Variants in SEMA3A observed in about 807,000 individuals in gnomAD.
SEMA3A encodes semaphorin 3A.
In SEMA3A, 29 loss-of-function variants were observed where a neutral mutation model predicts 97.9. The ratio of observed to expected loss-of-function variants is 0.30; its 90% CI spans 0.22 to 0.40. The LOEUF (loss-of-function observed/expected upper bound fraction) is 0.40, where lower values mean the gene tolerates loss of function less well. SEMA3A is among the 10% of genes least tolerant of loss of function. The pLI is 1.00. For synonymous variants in SEMA3A, 321 were observed against 323.7 expected (o/e 0.99, Z 0.09); for missense variants, 763 against 951.3 (o/e 0.80, Z 2.60).
chr7:84,375,317 G>T (rs1437217825), intron 1 of SEMA3A, among the ~76,000 whole-genome samples: 1 of 152,080 alleles, frequency 6.6e-6, no homozygotes, highest in Non-Finnish European at 1.5e-5. Context: ...ACTGTGCCTG[G>T]CCAGAAAAAG....
chr7:84,217,724 G>C (rs1798782621), intron 3 of SEMA3A, among the ~76,000 whole-genome samples: 1 of 151,742 alleles, frequency 6.6e-6, no homozygotes, highest in Non-Finnish European at 1.5e-5. Context: ...TCCTGCCAGG[G>C]CACGCTAGCC....
chr7:84,367,944 C>T (rs969283679), intron 2 of SEMA3A, among the ~76,000 whole-genome samples: 2 of 151,098 alleles, frequency 1.3e-5, no homozygotes, highest in Admixed American at 1.3e-4. Context: ...TGGACACATT[C>T]AGTAAATACA....
chr7:84,209,361 A>G (rs1432701596), intron 3 of SEMA3A, among the ~76,000 whole-genome samples: 1 of 152,186 alleles, frequency 6.6e-6, no homozygotes, highest in East Asian at 1.9e-4. Flanking sequence ...GTTTAGGCCA[A>G]ATGCATAGAT....
chr7:84,297,537 G>A (rs1361209483), intron 3 of SEMA3A, among the ~76,000 whole-genome samples: 1 of 152,066 alleles, frequency 6.6e-6, no homozygotes, highest in African/African-American at 2.4e-5. Flanking sequence ...TAGTATAGAT[G>A]AAAATAAATT....
At chr7:84,112,943 A>G (rs1389455546) in intron 3 of SEMA3A, among the ~76,000 whole-genome samples, 1 of 152,178 alleles carries the variant, frequency 6.6e-6, no homozygotes, top group African/African-American at 2.4e-5. Flanking sequence ...TTACAAAGCA[A>G]CTAGACTCAC....
intron 3 of SEMA3A, among the ~76,000 whole-genome samples, chr7:84,267,304 A>C (rs1800030894): frequency 6.6e-6 from 1 of 152,158 alleles, no homozygotes. Context: ...ATATGTTTTC[A>C]TGACTCTCTT....
chr7:84,418,269 A>G (rs1804487552), intron 1 of SEMA3A, among the ~76,000 whole-genome samples: 2 of 152,150 alleles, frequency 1.3e-5, no homozygotes. Context: ...CAATGATGAC[A>G]GATGAATGAG....
intron 3 of SEMA3A, among the ~76,000 whole-genome samples, chr7:84,220,710 C>A (rs1220937437): frequency 6.6e-6 from 1 of 152,102 alleles, no homozygotes; most frequent in Non-Finnish European, 1.5e-5. Flanking sequence ...TGAAAGGAAT[C>A]TTGTTTTCCT....
chr7:84,056,143 T>C (rs1455748119), intron 5 of SEMA3A, among the ~76,000 whole-genome samples: 4 of 149,364 alleles, frequency 2.7e-5, no homozygotes, highest in African/African-American at 9.7e-5. Context: ...AAAGTTACTA[T>C]TTGAGGATAC....
intron 15 of SEMA3A, among the ~76,000 whole-genome samples, chr7:83,965,830 G>C (rs554432201): frequency 6.7e-6 from 1 of 149,366 alleles, no homozygotes; most frequent in Non-Finnish European, 1.5e-5. Flanking sequence ...ACAGGTGCCT[G>C]CCACCACGCC....
intron 2 of SEMA3A, among the ~76,000 whole-genome samples, chr7:84,320,429 T>TA: frequency 6.6e-6 from 1 of 152,090 alleles, no homozygotes; most frequent in Non-Finnish European, 1.5e-5. Flanking sequence ...AAAAGTTTAT[T>TA]AAAAAAATCT....
chr7:84,115,058 G>A (rs1489145137), intron 3 of SEMA3A, among the ~76,000 whole-genome samples: 3 of 151,970 alleles, frequency 2.0e-5, no homozygotes, highest in South Asian at 2.1e-4. Context: ...ATAATAAAAT[G>A]AACTGAACTT....
intron 4 of SEMA3A, among the ~76,000 whole-genome samples, chr7:84,062,334 T>C (rs1793254601): frequency 6.6e-6 from 1 of 152,160 alleles, no homozygotes; most frequent in Non-Finnish European, 1.5e-5. Context: ...AAAAGACATA[T>C]TCTATTCAAA....
At chr7:83,979,564 G>A (rs2109705) in intron 14 of SEMA3A, among the ~76,000 whole-genome samples, 58,722 of 151,860 alleles carry the variant, frequency 0.39, 11,880 homozygotes, top group Middle Eastern at 0.49. Flanking sequence ...AATTACCTAC[G>A]GTTTCTTTAA....
upstream of SEMA3A, chr7:84,195,024 A>AGAGAGAGAGAGAGAGAGAGAG (rs1798179833): frequency 7.1e-6 from 1 of 140,566 alleles, no homozygotes; most frequent in African/African-American, 2.7e-5. Context: ...GAGAGAGAGA[A>AGAGAGAGAGAGAGAGAGAGAG]AGAGAGAGAG....
At chr7:84,453,477 C>A (rs930305976) in intron 1 of SEMA3A, among the ~76,000 whole-genome samples, 3 of 151,982 alleles carry the variant, frequency 2.0e-5, no homozygotes, top group Non-Finnish European at 4.4e-5. Context: ...ACCTCGTGAT[C>A]CGCCCACCTC....
intron 15 of SEMA3A, among the ~76,000 whole-genome samples, chr7:83,968,075 C>T (rs931672194): frequency 6.6e-6 from 1 of 152,142 alleles, no homozygotes; most frequent in Admixed American, 6.5e-5. Context: ...TATAGCTCTA[C>T]TCTAGGTACT....
chr7:84,359,974 CG>C (rs1802671108), intron 2 of SEMA3A, among the ~76,000 whole-genome samples: 2 of 149,460 alleles, frequency 1.3e-5, no homozygotes, highest in Non-Finnish European at 3.0e-5. Flanking sequence ...TCTGTGGGAT[CG>C]GCGGTGATAT....
At chr7:84,306,800 T>A (rs1003144548) in intron 3 of SEMA3A, among the ~76,000 whole-genome samples, 1 of 152,134 alleles carries the variant, frequency 6.6e-6, no homozygotes, top group Admixed American at 6.6e-5. Context: ...TGGATGATAG[T>A]AACCATATGT....
Sources: allele counts gnomAD v4.1 joint callset (sites outside exome capture counted in the v4.1 genomes callset), GRCh38; gene constraint gnomAD v4.1.1; transcripts MANE v1.5; gene names NCBI Gene and HGNC (gene_info 2026-07-23, HGNC 2026-07-21).